Variants in PCDHGA2 observed in about 807,000 individuals in gnomAD.
The protein encoded by PCDHGA2 is protocadherin gamma-A2.
PCDHGA2 carries 40 observed loss-of-function variants against 59.2 expected under a neutral mutation model. That is an observed-to-expected ratio of 0.68 (90% CI 0.52 to 0.88). The LOEUF (loss-of-function observed/expected upper bound fraction) is 0.88. Ranked by LOEUF, PCDHGA2 falls within the 40% of genes least tolerant of loss-of-function variation. The probability of loss-of-function intolerance (pLI) is 0.00; values close to 1 mark genes in which losing one functional copy is unlikely to be tolerated. For synonymous variants in PCDHGA2, 560 were observed against 526.0 expected (o/e 1.06, Z -0.89); for missense variants, 1,226 against 1,204.0 (o/e 1.02, Z -0.27).
intron 1 of PCDHGA2, chr5:141,440,535 G>A (rs1305958587): frequency 1.3e-5 from 2 of 152,154 alleles, no homozygotes; most frequent in East Asian, 1.9e-4. Flanking sequence ...CATGCACCAC[G>A]GTTCAGCAGG....
At chr5:141,423,091 G>C (rs1243671863) in intron 1 of PCDHGA2, 11 of 1,613,908 alleles carry the variant, frequency 6.8e-6, no homozygotes, top group South Asian at 2.2e-5. Context: ...CGCGGTGGGG[G>C]AGCACACGGG....
At chr5:141,372,817 T>C (rs933851148) in intron 1 of PCDHGA2, 2 of 1,572,230 alleles carry the variant, frequency 1.3e-6, no homozygotes, top group Non-Finnish European at 1.7e-6. Context: ...AAGGTGAGTT[T>C]CTTCAAACCT....
At chr5:141,419,392 C>A (rs1338481275) in intron 1 of PCDHGA2, 1 of 1,613,612 alleles carries the variant, frequency 6.2e-7, no homozygotes, top group Non-Finnish European at 8.5e-7. Flanking sequence ...GCGCGCAGAG[C>A]GGGGTGGTGT....
intron 1 of PCDHGA2, chr5:141,378,778 C>G (rs962575356): frequency 6.6e-5 from 10 of 152,270 alleles, no homozygotes; most frequent in Middle Eastern, 3.4e-3. Flanking sequence ...ACTGATTAGT[C>G]TTATTTATTA....
In PCDHGA2 at chr5:141,409,721, G is replaced by A. The variant is rs892686024; in HGVS notation, c.2424+68326G>A. On this transcript the variant is annotated intron_variant, in intron 1 of 3. Transcript: ENST00000394576. ...CCTGGCGGTGTCGTCATACGTGTCA[G>A]TGAGCGCGCAGAGCGGGGTGGTGTT... The A allele has an allele frequency of 6.8e-6, 11 of 1,613,114 alleles. No homozygotes were observed. The highest frequency in any genetic ancestry group is 6.7e-5 in the East Asian group (3 of 44,892).
intron 2 of PCDHGA2, 22 bp downstream of exon 2, chr5:141,494,887 C>T (rs116522768): frequency 0.014 from 22,125 of 1,614,118 alleles, 208 homozygotes; most frequent in Middle Eastern, 0.021. Context: ...ATTCTCCAGC[C>T]CACCCTCTTC....
At chr5:141,458,201 TAGTTTAAAATA>T (rs1175017515) in intron 1 of PCDHGA2, among the ~76,000 whole-genome samples, 1 of 152,168 alleles carries the variant, frequency 6.6e-6, no homozygotes, top group Non-Finnish European at 1.5e-5. Context: ...AGGCCATAAA[TAGTTTAAAATA>T]AGTTTCCTTT....
At chr5:141,385,514 G>C (rs928847931) in intron 1 of PCDHGA2, 3 of 1,363,488 alleles carry the variant, frequency 2.2e-6, no homozygotes, top group Non-Finnish European at 2.8e-6. Context: ...TTTAGTGAAA[G>C]CCTATGGACA....
In PCDHGA2 at chr5:141,490,692, G is replaced by C. The variant is rs751109998; in HGVS notation, c.2425-4115G>C. 16 of 1,614,154 alleles carry C rather than the reference G, an allele frequency of 9.9e-6. 1 individual carries two copies. The Middle Eastern group carries it at 6.6e-4, about 67-fold the overall frequency. ...TGGCTGCCTCAGATCCAGACACTGG[G>C]GATAATGCCCGCCTCACCTACTCCA... On this transcript the variant is annotated intron_variant, in intron 1 of 3. Transcript: ENST00000394576. This position sits in a 1 kb window ranked among gnomAD's most constrained non-coding sequence, Gnocchi z 5.4.
At position 141,490,753 on chromosome 5, in the gene PCDHGA2, T is replaced by C; in HGVS notation, c.2425-4054T>C. ...TCAGGTTCAGGGAGCCCCAGCCTCC[T>C]CCTTTGTGTATGTCAACCCAGAGGA... On this transcript the variant is annotated intron_variant, in intron 1 of 3. Transcript: ENST00000394576. This position sits in a 1 kb window ranked among gnomAD's most constrained non-coding sequence, Gnocchi z 5.4. 1 of 1,614,184 alleles carries C rather than the reference T, an allele frequency of 6.2e-7. No individual in the cohort carries two copies. The highest frequency in any genetic ancestry group is 8.5e-7 in the Non-Finnish European group (1 of 1,180,024).
At chr5:141,376,364 G>T in intron 1 of PCDHGA2, 1 of 1,614,202 alleles carries the variant, frequency 6.2e-7, no homozygotes, top group Non-Finnish European at 8.5e-7. Flanking sequence ...CTCACTCACT[G>T]CAGACTCGCG....
At chr5:141,470,034 C>T (rs1209263598) in intron 1 of PCDHGA2, among the ~76,000 whole-genome samples, 2 of 152,086 alleles carry the variant, frequency 1.3e-5, no homozygotes, top group Non-Finnish European at 2.9e-5. Flanking sequence ...GATGCTGAGG[C>T]GCGAGAACTG....
intron 3 of PCDHGA2, among the ~76,000 whole-genome samples, chr5:141,509,345 G>A (rs1203328830): frequency 6.6e-6 from 1 of 152,196 alleles, no homozygotes; most frequent in Non-Finnish European, 1.5e-5. Flanking sequence ...GGCCTGGGCT[G>A]GCCTGGGCAT....
intron 1 of PCDHGA2, chr5:141,471,535 T>C (rs553186728): frequency 6.6e-6 from 1 of 152,368 alleles, no homozygotes; most frequent in African/African-American, 2.4e-5. Context: ...GAAGCTATGA[T>C]AGCATTTAAG....
chr5:141,351,626 CA>C, intron 1 of PCDHGA2: 1 of 1,614,070 alleles, frequency 6.2e-7, no homozygotes, highest in Non-Finnish European at 8.5e-7. Flanking sequence ...CTATGTGGTC[CA>C]CGTGTCTGAG....
chr5:141,404,894 G>C (rs772084097), intron 1 of PCDHGA2: 1 of 1,613,878 alleles, frequency 6.2e-7, no homozygotes, highest in South Asian at 1.1e-5. Flanking sequence ...GGCTGTACAG[G>C]ACCATGGCCA....
intron 1 of PCDHGA2, chr5:141,413,467 G>T: frequency 6.2e-7 from 1 of 1,614,136 alleles, no homozygotes; most frequent in Non-Finnish European, 8.5e-7. Context: ...AGACCGGGAG[G>T]AGCTCTGCGC....
At chr5:141,404,044 A>G (rs752955570) in intron 1 of PCDHGA2, 3 of 1,613,936 alleles carry the variant, frequency 1.9e-6, no homozygotes, top group South Asian at 1.1e-5. Context: ...CTCAGGGAAC[A>G]GTAATTCTTC....
At chr5:141,359,679 A>G (rs906167811) in intron 1 of PCDHGA2, among the ~76,000 whole-genome samples, 1 of 152,104 alleles carries the variant, frequency 6.6e-6, no homozygotes. Context: ...GTTGCCCTAT[A>G]CAAGACATAT....
Sources: gnomAD v4.1 joint callset for allele counts (sites outside exome capture counted in the v4.1 genomes callset) on GRCh38, gnomAD v4.1.1 for gene constraint, Gnocchi (gnomAD v3.1) non-coding constraint, MANE v1.5 for transcripts, NCBI Gene and HGNC (gene_info 2026-07-23, HGNC 2026-07-21) for gene names.